MAPRE2: variants seen among roughly 807,000 people sequenced by gnomAD.
MAPRE2 encodes microtubule associated protein RP/EB family member 2.
MAPRE2 carries 13 observed loss-of-function variants against 43.2 expected under a neutral mutation model. That is an observed-to-expected ratio of 0.30 (90% confidence interval 0.20 to 0.48). MAPRE2 has a LOEUF of 0.48. Among genes scored for constraint, MAPRE2 ranks in the 20% least tolerant of loss-of-function variants. The pLI, the probability that MAPRE2 is intolerant of heterozygous loss-of-function variation, is 0.99. For synonymous variants in MAPRE2, 135 were observed against 148.8 expected, an observed-to-expected ratio of 0.91 and a Z score of 0.68; for missense variants, 161 against 400.2, an observed-to-expected ratio of 0.40 and a Z score of 5.10.
chr18:35,118,824 T>A (rs1909536563), intron 4 of MAPRE2, among the ~76,000 whole-genome samples: 1 of 152,202 alleles, frequency 6.6e-6, no homozygotes, highest in African/African-American at 2.4e-5. Context: ...CTGACCTGGC[T>A]GCTGAGTGGA....
At chr18:34,985,277 AATATATT>A (rs1226990473) in intron 1 of MAPRE2, among the ~76,000 whole-genome samples, 1 of 41,182 alleles carries the variant, frequency 2.4e-5, no homozygotes, top group South Asian at 7.7e-4. Context: ...TATATAATAT[AATATATT>A]ATATATTATA....
intron 1 of MAPRE2, chr18:35,005,443 T>C (rs2097031400): frequency 8.7e-7 from 1 of 1,152,738 alleles, no homozygotes; most frequent in East Asian, 2.6e-5. Flanking sequence ...CATATTTTCA[T>C]CATATTAAAT....
At chr18:35,073,355 G>C (rs1198685292) in intron 2 of MAPRE2, among the ~76,000 whole-genome samples, 1 of 152,100 alleles carries the variant, frequency 6.6e-6, no homozygotes, top group East Asian at 1.9e-4. Context: ...AAGGCAGCTA[G>C]GACAGTGCTA....
intron 6 of MAPRE2, among the ~76,000 whole-genome samples, chr18:35,132,790 G>T (rs1454135942): frequency 6.6e-6 from 1 of 152,248 alleles, no homozygotes; most frequent in Non-Finnish European, 1.5e-5. Flanking sequence ...CTGTGTCAGG[G>T]TGATGAAAAG....
intron 6 of MAPRE2, among the ~76,000 whole-genome samples, chr18:35,134,587 G>A: frequency 6.6e-6 from 1 of 152,210 alleles, no homozygotes; most frequent in Non-Finnish European, 1.5e-5. Flanking sequence ...GTACCATGGA[G>A]CAGGGAGGAA....
At chr18:35,119,547 T>C (rs1156655536) in intron 4 of MAPRE2, among the ~76,000 whole-genome samples, 4 of 152,188 alleles carry the variant, frequency 2.6e-5, no homozygotes, top group African/African-American at 9.7e-5. Context: ...AGGTACATAA[T>C]AGGGTTATGG....
chr18:35,016,604 T>C (rs1428975904), intron 2 of MAPRE2, among the ~76,000 whole-genome samples: 1 of 152,134 alleles, frequency 6.6e-6, no homozygotes, highest in Admixed American at 6.6e-5. Context: ...GTATGTCTTC[T>C]TTTAAGCAAT....
At chr18:35,055,609 CTGTATG>C (rs561189369) in intron 1 of MAPRE2, among the ~76,000 whole-genome samples, 98 of 148,806 alleles carry the variant, frequency 6.6e-4, no homozygotes, top group Non-Finnish European at 1.2e-3. Context: ...TTATAAATAA[CTGTATG>C]TGTGAAACAC....
At chr18:35,041,114 C>T (rs962095123), upstream of MAPRE2, among the ~76,000 whole-genome samples, 9 of 152,210 alleles carry the variant, frequency 5.9e-5, no homozygotes, top group African/African-American at 1.4e-4. Flanking sequence ...GCTGCAGTGG[C>T]AGCACGGGTC....
At chr18:35,026,076 A>C (rs1488387202) in intron 2 of MAPRE2, among the ~76,000 whole-genome samples, 1 of 152,150 alleles carries the variant, frequency 6.6e-6, no homozygotes, top group African/African-American at 2.4e-5. Context: ...GTGAGATGTG[A>C]ATTGATTGTG....
chr18:34,998,016 C>T (rs2097027347), intron 1 of MAPRE2, among the ~76,000 whole-genome samples: 1 of 152,144 alleles, frequency 6.6e-6, no homozygotes, highest in Non-Finnish European at 1.5e-5. Flanking sequence ...GTTTTAATCC[C>T]TGACAGTGTA....
chr18:35,081,715 T>C (rs1161972678), intron 2 of MAPRE2, among the ~76,000 whole-genome samples: 2 of 152,116 alleles, frequency 1.3e-5, no homozygotes, highest in Non-Finnish European at 2.9e-5. Flanking sequence ...TAGTCTCTAG[T>C]GCCAGGGATA....
chr18:34,979,616 G>T (rs749089809), intron 1 of MAPRE2, among the ~76,000 whole-genome samples: 2 of 151,710 alleles, frequency 1.3e-5, no homozygotes, highest in Non-Finnish European at 2.9e-5. Flanking sequence ...AACTGGTTTG[G>T]GTTATTTCAG....
At chr18:34,978,895 T>G (rs1057093845) in intron 1 of MAPRE2, among the ~76,000 whole-genome samples, 1 of 152,162 alleles carries the variant, frequency 6.6e-6, no homozygotes, top group Non-Finnish European at 1.5e-5. Context: ...CATCCCAAAC[T>G]ATTTAAATCA....
intron 1 of MAPRE2, among the ~76,000 whole-genome samples, chr18:34,979,575 C>A (rs2097015008): frequency 6.7e-6 from 1 of 149,970 alleles, no homozygotes; most frequent in Non-Finnish European, 1.5e-5. Flanking sequence ...TGGTGGGAAG[C>A]ATGTAAAAAA....
intron 4 of MAPRE2, among the ~76,000 whole-genome samples, chr18:35,117,864 A>G (rs1269187934): frequency 6.6e-6 from 1 of 152,194 alleles, no homozygotes. Flanking sequence ...TGAAAGAAAT[A>G]GCATGTTGAA....
intron 1 of MAPRE2, among the ~76,000 whole-genome samples, chr18:35,053,119 C>T (rs1168940214): frequency 6.6e-6 from 1 of 152,002 alleles, no homozygotes; most frequent in East Asian, 1.9e-4. Context: ...TTAGCCCGGG[C>T]ACTGTGGCTC....
upstream of MAPRE2, among the ~76,000 whole-genome samples, chr18:35,040,101 G>A (rs1490439478): frequency 6.6e-6 from 1 of 152,218 alleles, no homozygotes; most frequent in African/African-American, 2.4e-5. Flanking sequence ...TACTCAGGAG[G>A]CTGAGGCAGG....
chr18:35,038,093 C>T (rs772051956), upstream of MAPRE2, among the ~76,000 whole-genome samples: 1 of 152,042 alleles, frequency 6.6e-6, no homozygotes, highest in Non-Finnish European at 1.5e-5. Flanking sequence ...TTCCTCAGAG[C>T]TAGCTATTTC....
Sources: gnomAD v4.1 joint callset for allele counts (sites outside exome capture counted in the v4.1 genomes callset) on GRCh38, gnomAD v4.1.1 for gene constraint, MANE v1.5 for transcripts, NCBI Gene and HGNC (gene_info 2026-07-23, HGNC 2026-07-21) for gene names.